The following IPO11 variants were observed in gnomAD, a reference collection of about 807,000 sequenced individuals.
IPO11 encodes importin 11.
In IPO11, 66 loss-of-function variants were observed where a neutral mutation model predicts 143.2. The observed-to-expected ratio is 0.46, with a 90% CI of 0.38 to 0.57. IPO11 has a LOEUF of 0.57. Among genes scored for constraint, IPO11 ranks in the 20% least tolerant of loss-of-function variants. The pLI, the probability that IPO11 is intolerant of heterozygous loss-of-function variation, is 0.00. For missense variants in IPO11, 1,026 were observed against 1,141.0 expected (o/e 0.90, Z 1.45); for synonymous variants, 385 against 377.8 (o/e 1.02, Z -0.22).
chr5:62,476,316 T>G (rs189869779), intron 8 of IPO11, among the ~76,000 whole-genome samples: 1 of 152,272 alleles, frequency 6.6e-6, no homozygotes, highest in African/African-American at 2.4e-5. Context: ...TGTCAGAAGA[T>G]ATAGGAAAAA....
At chr5:62,473,437 A>G (rs1409623172) in intron 7 of IPO11, among the ~76,000 whole-genome samples, 5 of 152,190 alleles carry the variant, frequency 3.3e-5, no homozygotes, top group Admixed American at 2.0e-4. Context: ...GTCTGAGAGC[A>G]GTACTCTTGA....
intron 13 of IPO11, among the ~76,000 whole-genome samples, chr5:62,488,271 C>T (rs1403753721): frequency 1.3e-5 from 2 of 152,198 alleles, no homozygotes; most frequent in African/African-American, 4.8e-5. Flanking sequence ...TTGGTCATTA[C>T]ACTTTGTACA....
chr5:62,427,145 G>A (rs1743782537), intron 1 of IPO11, among the ~76,000 whole-genome samples: 1 of 151,532 alleles, frequency 6.6e-6, no homozygotes, highest in African/African-American at 2.4e-5. Flanking sequence ...CCACCACATT[G>A]ACCAGGCTGG....
intron 22 of IPO11, among the ~76,000 whole-genome samples, chr5:62,536,378 C>A (rs1294203355): frequency 6.6e-6 from 1 of 151,912 alleles, no homozygotes; most frequent in East Asian, 1.9e-4. Context: ...CAGTGAAAAG[C>A]AAATGAGGTA....
chr5:62,477,000 G>C (rs1019673661), intron 9 of IPO11, among the ~76,000 whole-genome samples: 1 of 152,110 alleles, frequency 6.6e-6, no homozygotes, highest in South Asian at 2.1e-4. Context: ...ATAAATATTA[G>C]AGTATTTGAT....
chr5:62,518,640 A>G (rs1742105341), intron 20 of IPO11, among the ~76,000 whole-genome samples: 1 of 152,118 alleles, frequency 6.6e-6, no homozygotes, highest in South Asian at 2.1e-4. Context: ...ATTTACTGGT[A>G]AATTTCCTTT....
intron 26 of IPO11, among the ~76,000 whole-genome samples, chr5:62,553,909 C>T (rs773754713): frequency 6.6e-6 from 1 of 151,988 alleles, no homozygotes; most frequent in Non-Finnish European, 1.5e-5. Flanking sequence ...CCTACCACCC[C>T]GGCTGGCTAT....
At chr5:62,443,469 T>C (rs986136238) in intron 3 of IPO11, among the ~76,000 whole-genome samples, 1 of 150,766 alleles carries the variant, frequency 6.6e-6, no homozygotes, top group African/African-American at 2.4e-5. Flanking sequence ...GCAAGGATCA[T>C]GCTGAGTCAG....
intron 29 of IPO11, among the ~76,000 whole-genome samples, chr5:62,603,288 CAGTG>C (rs1282461912): frequency 6.6e-6 from 1 of 152,182 alleles, no homozygotes; most frequent in Non-Finnish European, 1.5e-5. Context: ...TTTGGTGAAT[CAGTG>C]AGTGATGATG....
chr5:62,607,062 C>T (rs139881013), intron 29 of IPO11, among the ~76,000 whole-genome samples: 1 of 152,176 alleles, frequency 6.6e-6, no homozygotes, highest in South Asian at 2.1e-4. Flanking sequence ...CAGTGCTGCA[C>T]TGTGAGGATG....
At chr5:62,547,308 A>G (rs1343691217) in intron 24 of IPO11, among the ~76,000 whole-genome samples, 2 of 152,150 alleles carry the variant, frequency 1.3e-5, no homozygotes, top group Non-Finnish European at 2.9e-5. Flanking sequence ...TATAAGAGAA[A>G]TAATATCGGA....
chr5:62,497,280 C>G (rs1741189653), intron 16 of IPO11, among the ~76,000 whole-genome samples: 1 of 152,096 alleles, frequency 6.6e-6, no homozygotes, highest in African/African-American at 2.4e-5. Context: ...AATTCAGCAG[C>G]TAACAGAAGA....
intron 19 of IPO11, among the ~76,000 whole-genome samples, chr5:62,513,287 ACGGGGCGGC>A (rs759589081): frequency 0.1 from 10,710 of 106,830 alleles, 1 homozygote; most frequent in Admixed American, 0.15. Context: ...TCCCTCCCGG[ACGGGGCGGC>A]TGGCTGGGCG....
chr5:62,514,373 C>G (rs1402519584), intron 19 of IPO11, among the ~76,000 whole-genome samples: 2 of 152,010 alleles, frequency 1.3e-5, no homozygotes, highest in Non-Finnish European at 2.9e-5. Context: ...GCGGAACACT[C>G]GCGGCTAGGA....
intron 15 of IPO11, among the ~76,000 whole-genome samples, chr5:62,493,427 T>G (rs180851388): frequency 6.6e-6 from 1 of 152,256 alleles, no homozygotes; most frequent in Non-Finnish European, 1.5e-5. Context: ...ATACCTACAT[T>G]GCGGTTCTTT....
intron 21 of IPO11, among the ~76,000 whole-genome samples, chr5:62,528,652 G>T (rs914903940): frequency 6.6e-6 from 1 of 152,158 alleles, no homozygotes; most frequent in African/African-American, 2.4e-5. Flanking sequence ...TCCAAATTTT[G>T]TAGTGGAATG....
intron 24 of IPO11, among the ~76,000 whole-genome samples, chr5:62,537,830 TA>T (rs1184372318): frequency 6.6e-6 from 1 of 151,990 alleles, no homozygotes; most frequent in African/African-American, 2.4e-5. Context: ...TAAATAGTAT[TA>T]AATGTATATA....
In IPO11 at chr5:62,451,826, A is replaced by G. The variant is rs1279574977; in HGVS notation, c.409A>G (p.Lys137Glu). Residue 137 changes from lysine to glutamate, a missense_variant, in exon 5 of 30, where the codon AAA (lysine) becomes GAA (glutamate). Physicochemically the swap from Lys to Glu is moderately conservative, Grantham distance 56. Transcript: ENST00000325324. ...AATTCCCACTCTTATAGAGTCTGTT[A>G]AAGTCCAGGATGATCTTCGACAGCA... ...ELIPTLIESV[K>E]VQDDLRQHRA... 2 of 1,613,854 alleles carry G rather than the reference A, an allele frequency of 1.2e-6. No homozygotes were observed. The highest frequency in any genetic ancestry group is 1.7e-6 in the Non-Finnish European group (2 of 1,179,742).
intron 3 of IPO11, 108 bp downstream of exon 3, chr5:62,443,191 G>A: frequency 1.7e-6 from 1 of 598,038 alleles, no homozygotes; most frequent in Non-Finnish European, 2.9e-6. Flanking sequence ...TACTTCTGCA[G>A]CACATATACT....
Sources: gnomAD v4.1 joint callset for allele counts (sites outside exome capture counted in the v4.1 genomes callset) on GRCh38, gnomAD v4.1.1 for gene constraint, MANE v1.5 for transcripts, NCBI Gene and HGNC (gene_info 2026-07-23, HGNC 2026-07-21) for gene names.